Variants in PALS1 observed in about 807,000 individuals in gnomAD.
PALS1 encodes protein PALS1.
Under a neutral mutation model 78.9 loss-of-function variants are expected in PALS1, and 31 were observed. That is an observed-to-expected ratio of 0.39 (90% confidence interval 0.30 to 0.53). The LOEUF (loss-of-function observed/expected upper bound fraction) is 0.53, where lower values mean the gene tolerates loss of function less well. Ranked by LOEUF, PALS1 falls within the 20% of genes least tolerant of loss-of-function variation. PALS1 has a pLI of 0.67. For synonymous variants in PALS1, 276 were observed against 270.9 expected (o/e 1.02, Z -0.18); for missense variants, 704 against 826.5 (o/e 0.85, Z 1.82).
intron 1 of PALS1, among the ~76,000 whole-genome samples, chr14:67,253,325 G>C (rs1335924623): frequency 6.6e-6 from 1 of 152,138 alleles, no homozygotes; most frequent in African/African-American, 2.4e-5. Flanking sequence ...TATAGTCTGA[G>C]GTAATGATGA....
At chr14:67,249,304 CAGTAATTGT>C (rs1278481531) in intron 1 of PALS1, among the ~76,000 whole-genome samples, 7 of 152,260 alleles carry the variant, frequency 4.6e-5, no homozygotes, top group African/African-American at 1.7e-4. Context: ...GGAGAAATGA[CAGTAATTGT>C]AGTAATGTAG....
intron 4 of PALS1, among the ~76,000 whole-genome samples, chr14:67,295,469 G>A (rs538576186): frequency 3.4e-5 from 5 of 148,586 alleles, no homozygotes; most frequent in East Asian, 4.0e-4. Flanking sequence ...CAGTCTGGGC[G>A]ACGGAGTGAG....
intron 3 of PALS1, among the ~76,000 whole-genome samples, chr14:67,285,625 C>T (rs2140751208): frequency 1.3e-5 from 2 of 152,232 alleles, no homozygotes; most frequent in Middle Eastern, 3.4e-3. Context: ...GCCTCGGTCT[C>T]CCAAAGTACT....
intron 9 of PALS1, 48 bp downstream of exon 9, chr14:67,312,758 A>C: frequency 7.4e-7 from 1 of 1,348,034 alleles, no homozygotes; most frequent in Non-Finnish European, 9.8e-7. Context: ...AGAACATTGA[A>C]AATGCAAGCC....
chr14:67,325,590 A>C (rs938484431), intron 14 of PALS1, among the ~76,000 whole-genome samples: 4 of 152,204 alleles, frequency 2.6e-5, no homozygotes, highest in African/African-American at 9.7e-5. Flanking sequence ...TGTAAAATTT[A>C]GTGTCCAATA....
intron 14 of PALS1, among the ~76,000 whole-genome samples, chr14:67,331,750 A>T (rs994799180): frequency 3.9e-5 from 6 of 151,922 alleles, no homozygotes; most frequent in African/African-American, 1.5e-4. Context: ...TTTCATTTCA[A>T]CTCCAATACC....
chr14:67,311,702 C>T (rs1035821455), intron 8 of PALS1, among the ~76,000 whole-genome samples: 1 of 152,258 alleles, frequency 6.6e-6, no homozygotes, highest in East Asian at 1.9e-4. Flanking sequence ...GAGTTACTAC[C>T]TGCCCTTAAT....
intron 4 of PALS1, among the ~76,000 whole-genome samples, chr14:67,298,885 A>G (rs117594663): frequency 0.019 from 2,950 of 152,246 alleles, 40 homozygotes; most frequent in Middle Eastern, 0.034. Flanking sequence ...TGTTTTACAA[A>G]TTTGTCATTT....
chr14:67,317,381 A>G, intron 10 of PALS1, 27 bp from the exon 11 acceptor site: 1 of 1,568,500 alleles, frequency 6.4e-7, no homozygotes, highest in Non-Finnish European at 8.7e-7. Flanking sequence ...GAACACATTT[A>G]TAGTTATGTT....
At chr14:67,273,970 T>C (rs2084457059) in intron 2 of PALS1, among the ~76,000 whole-genome samples, 1 of 152,176 alleles carries the variant, frequency 6.6e-6, no homozygotes, top group Admixed American at 6.5e-5. Flanking sequence ...GATGGGGTTG[T>C]TTGATTTTTT....
intron 8 of PALS1, among the ~76,000 whole-genome samples, chr14:67,310,148 T>C (rs1184383175): frequency 1.3e-5 from 2 of 152,166 alleles, no homozygotes; most frequent in Non-Finnish European, 2.9e-5. Context: ...TTGTATAATC[T>C]TTTTGCTCAA....
chr14:67,285,790 G>T (rs1268466222), intron 3 of PALS1, among the ~76,000 whole-genome samples: 8 of 152,142 alleles, frequency 5.3e-5, no homozygotes, highest in Non-Finnish European at 1.2e-4. Context: ...GCTTTCTGTT[G>T]CCTGTTTCAG....
chr14:67,249,098 G>A (rs1227205844), intron 1 of PALS1, among the ~76,000 whole-genome samples: 1 of 152,064 alleles, frequency 6.6e-6, no homozygotes, highest in African/African-American at 2.4e-5. Flanking sequence ...GAGTAGCTGG[G>A]ATTACAGGCA....
At chr14:67,267,122 A>G (rs2084340604) in intron 1 of PALS1, among the ~76,000 whole-genome samples, 1 of 152,108 alleles carries the variant, frequency 6.6e-6, no homozygotes, top group Admixed American at 6.5e-5. Context: ...AAACAAATAA[A>G]TAAATAAATA....
intron 1 of PALS1, among the ~76,000 whole-genome samples, chr14:67,256,465 A>G (rs2084146880): frequency 6.6e-6 from 1 of 152,264 alleles, no homozygotes; most frequent in African/African-American, 2.4e-5. Context: ...ATTTTATTTA[A>G]TACAATAAAG....
intron 8 of PALS1, among the ~76,000 whole-genome samples, chr14:67,309,503 TA>T (rs2085056533): frequency 1.3e-5 from 2 of 152,140 alleles, no homozygotes; most frequent in Admixed American, 1.3e-4. Context: ...ACTTGTCACA[TA>T]AGTAAAGCAT....
At chr14:67,279,696 T>G (rs1387426545) in intron 3 of PALS1, 159 bp downstream of exon 3, 2 of 625,592 alleles carry the variant, frequency 3.2e-6, no homozygotes, top group Non-Finnish European at 5.1e-6. Context: ...GTATAACTAT[T>G]GTTTACTGTT....
chr14:67,272,690 G>A (rs149737859), intron 2 of PALS1, among the ~76,000 whole-genome samples: 1 of 151,970 alleles, frequency 6.6e-6, no homozygotes, highest in African/African-American at 2.4e-5. Context: ...ACAGAGTCTC[G>A]CGCTGTCTCC....
chr14:67,253,907 C>T (rs2084101999), intron 1 of PALS1, among the ~76,000 whole-genome samples: 1 of 148,368 alleles, frequency 6.7e-6, no homozygotes, highest in East Asian at 2.0e-4. Context: ...AAATCTTAGG[C>T]TTGGATAGAG....
Sources: allele counts gnomAD v4.1 joint callset (sites outside exome capture counted in the v4.1 genomes callset), GRCh38; gene constraint gnomAD v4.1.1; transcripts MANE v1.5; gene names NCBI Gene and HGNC (gene_info 2026-07-23, HGNC 2026-07-21).